The following TMEM164 variants were observed in gnomAD, a reference collection of about 807,000 sequenced individuals.
TMEM164 encodes the protein RP13-360B22.2.
Under a neutral mutation model 18.8 loss-of-function variants are expected in TMEM164, and 4 were observed. The ratio of observed to expected loss-of-function variants is 0.21; its 90% CI spans 0.10 to 0.49. TMEM164 has a LOEUF of 0.49. Among genes scored for constraint, TMEM164 ranks in the 20% least tolerant of loss-of-function variants. The pLI is 0.98. For missense variants in TMEM164, 108 were observed against 239.9 expected (o/e 0.45, Z 3.63); for synonymous variants, 86 against 101.7 (o/e 0.85, Z 0.93).
At chrX:110,091,201 A>G (rs1400251769) in intron 3 of TMEM164, among the ~76,000 whole-genome samples, 1 of 112,534 alleles carries the variant, frequency 8.9e-6, no homozygotes, top group Non-Finnish European at 1.9e-5. Flanking sequence ...AGCATGATTT[A>G]TAATCCTTTG....
At chrX:110,020,633 G>A (rs1421855534) in intron 2 of TMEM164, 1 of 752,699 alleles carries the variant, frequency 1.3e-6, no homozygotes, top group Non-Finnish European at 1.6e-6. Context: ...ATGAAATGTA[G>A]AGGGTGAGGC....
chrX:110,110,405 GTACGTACCTTA>G (rs2066274300), intron 4 of TMEM164, among the ~76,000 whole-genome samples: 1 of 111,865 alleles, frequency 8.9e-6, no homozygotes, highest in Admixed American at 9.5e-5. Flanking sequence ...ACATCATACT[GTACGTACCTTA>G]TAAGTACCCA....
intron 3 of TMEM164, among the ~76,000 whole-genome samples, chrX:110,077,619 T>C (rs1265024236): frequency 8.9e-6 from 1 of 112,211 alleles, no homozygotes; most frequent in Non-Finnish European, 1.9e-5. Context: ...TGTTTAGAAC[T>C]CCCTTAAGGA....
intron 2 of TMEM164, among the ~76,000 whole-genome samples, chrX:110,012,629 CA>C (rs1355789656): frequency 1.8e-5 from 2 of 111,933 alleles, no homozygotes; most frequent in African/African-American, 6.5e-5. Context: ...TGCTGACCCC[CA>C]GGGTTTCATA....
intron 3 of TMEM164, among the ~76,000 whole-genome samples, chrX:110,078,034 G>A (rs182175751): frequency 8.9e-6 from 1 of 112,414 alleles, no homozygotes; most frequent in African/African-American, 3.2e-5. Flanking sequence ...TTCATGAACT[G>A]TATCCTCAAA....
intron 3 of TMEM164, among the ~76,000 whole-genome samples, chrX:110,090,342 G>A (rs773565881): frequency 2.0e-5 from 2 of 99,054 alleles, no homozygotes; most frequent in East Asian, 3.1e-4. Context: ...GTCTTGCTCT[G>A]TTGCCCAGGC....
At chrX:110,109,807 G>A (rs751760512) in intron 4 of TMEM164, among the ~76,000 whole-genome samples, 1 of 111,783 alleles carries the variant, frequency 8.9e-6, no homozygotes, top group African/African-American at 3.3e-5. Context: ...AGCGGGCTGG[G>A]TGATAAACCA....
chrX:110,143,910 T>A (rs751871656), intron 4 of TMEM164, among the ~76,000 whole-genome samples: 1 of 111,070 alleles, frequency 9.0e-6, no homozygotes, highest in East Asian at 2.8e-4. Flanking sequence ...AGTTCTTTTT[T>A]CCCCAGAATT....
Position 110,003,739 on chromosome X carries a change from G to T in TMEM164, c.-36G>T. The T allele has an allele frequency of 1.7e-6, 2 of 1,158,481 alleles. No individual in the cohort carries two copies. Among genetic ancestry groups the T allele is most frequent in the Non-Finnish European group, 1.1e-6 (1 of 870,213 alleles). ...TGGGCTTGTGTTCCATCTCACTCTTGCTTCCTGTACTGTGGTCAAGGGGAA... is the reference window on the plus strand; with the variant it reads ...TGGGCTTGTGTTCCATCTCACTCTTTCTTCCTGTACTGTGGTCAAGGGGAA... On this transcript the variant is annotated 5_prime_UTR_variant, in exon 2 of 7. Transcript: ENST00000372068.
chrX:110,055,887 T>C (rs1935802757), intron 2 of TMEM164, among the ~76,000 whole-genome samples: 1 of 110,666 alleles, frequency 9.0e-6, no homozygotes, highest in South Asian at 3.8e-4. Context: ...AAGGGAGTAG[T>C]GAGCAATGAT....
intron 4 of TMEM164, among the ~76,000 whole-genome samples, chrX:110,111,355 AG>A (rs1368380924): frequency 2.7e-5 from 3 of 112,792 alleles, no homozygotes; most frequent in Non-Finnish European, 5.6e-5. Flanking sequence ...ACAGGGTTGG[AG>A]CAGAAGTTAC....
chrX:110,022,315 G>A (rs772046050), intron 2 of TMEM164, among the ~76,000 whole-genome samples: 1 of 111,148 alleles, frequency 9.0e-6, no homozygotes, highest in South Asian at 3.7e-4. Flanking sequence ...TAGCCTGCTA[G>A]TTAGTTGTTT....
At chrX:110,143,806 T>G (rs375925425) in intron 4 of TMEM164, among the ~76,000 whole-genome samples, 2,666 of 96,798 alleles carry the variant, frequency 0.028, 40 homozygotes, top group African/African-American at 0.037. Flanking sequence ...TACTTTGGGG[T>G]GTGTGTGTGT....
Position 110,173,573 on chromosome X carries a change from C to T in TMEM164, c.*122C>T. The T allele has an allele frequency of 1.7e-6, 1 of 589,476 alleles. No homozygotes were observed. The allele number at this position is 589,476 out of a possible 1,213,427, so 48.6% of individuals were successfully genotyped here. On this transcript the variant is annotated 3_prime_UTR_variant, in exon 7 of 7. Coordinates refer to ENST00000372068, the MANE Select transcript of TMEM164 (RefSeq NM_032227.4). ...TAGGATGTTTGGTGTATTTCTTTTTCCTCCTTTCTGTCCCTTTCTTCTACC... is the reference window on the plus strand; with the variant it reads ...TAGGATGTTTGGTGTATTTCTTTTTTCTCCTTTCTGTCCCTTTCTTCTACC...
Position 110,087,843 on chromosome X carries a change from G to A in TMEM164, c.440+20447G>A, listed in dbSNP as rs762996216. Among the ~76,000 whole-genome samples, 12 of 111,858 alleles carry A rather than the reference G, an allele frequency of 1.1e-4. No individual in the cohort carries two copies. The South Asian group carries it at 1.9e-3, about 17-fold the overall frequency. Reference sequence around the variant, plus strand: ...TTATTTGGTCATATCTGCTGACTCAGTCTAAAGAAGCTTTTGAAGGGGATG... The same window carrying A: ...TTATTTGGTCATATCTGCTGACTCAATCTAAAGAAGCTTTTGAAGGGGATG... On this transcript the variant is annotated intron_variant, in intron 3 of 6. Coordinates refer to ENST00000372068, the MANE Select transcript of TMEM164 (RefSeq NM_032227.4).
At position 110,171,529 on chromosome X, in the gene TMEM164, G is replaced by T. The variant is rs1484722718; in HGVS notation, c.687+9G>T. 6 of 1,163,515 alleles carry T rather than the reference G, an allele frequency of 5.2e-6. No individual in the cohort carries two copies. Among genetic ancestry groups the T allele is most frequent in the East Asian group, 5.9e-5 (2 of 33,619 alleles). ...TGCAGATCCTCGGCCTGGTAAGTTTGGTTATATCCCCTTCTATCCCCTCTG... is the reference window on the plus strand; with the variant it reads ...TGCAGATCCTCGGCCTGGTAAGTTTTGTTATATCCCCTTCTATCCCCTCTG... On this transcript the variant is annotated intron_variant, in intron 6 of 6. Coordinates refer to ENST00000372068, the MANE Select transcript of TMEM164 (RefSeq NM_032227.4).
chrX:110,130,211 T>C (rs1275357245), intron 4 of TMEM164, among the ~76,000 whole-genome samples: 1 of 111,606 alleles, frequency 9.0e-6, no homozygotes, highest in Non-Finnish European at 1.9e-5. Flanking sequence ...CATCATGTGT[T>C]TGGGTCATTG....
downstream of TMEM164, among the ~76,000 whole-genome samples, chrX:110,180,741 G>A (rs2067320827): frequency 1.8e-5 from 2 of 111,437 alleles, no homozygotes; most frequent in Admixed American, 9.5e-5. Flanking sequence ...ACACATCTGT[G>A]CTAGGAAACA....
intron 3 of TMEM164, among the ~76,000 whole-genome samples, chrX:110,080,917 G>A (rs780693001): frequency 3.1e-5 from 1 of 32,125 alleles, no homozygotes; most frequent in Non-Finnish European, 4.7e-5. Context: ...TTTTTTTTTT[G>A]TAGAGACGGA....
Sources: gnomAD v4.1 joint callset for allele counts (sites outside exome capture counted in the v4.1 genomes callset) on GRCh38, gnomAD v4.1.1 for gene constraint, MANE v1.5 for transcripts, NCBI Gene and HGNC (gene_info 2026-07-23, HGNC 2026-07-21) for gene names.